Variants in SIGLEC1 observed in about 807,000 individuals in gnomAD.
The protein encoded by SIGLEC1 is sialic acid binding Ig like lectin 1.
SIGLEC1 carries 132 observed loss-of-function variants against 148.0 expected under a neutral mutation model. The observed-to-expected ratio is 0.89, with a 90% CI of 0.77 to 1.03. The LOEUF (loss-of-function observed/expected upper bound fraction) is 1.03, where lower values mean the gene tolerates loss of function less well. Among genes scored for constraint, SIGLEC1 ranks in the 50% least tolerant of loss-of-function variants. The probability of loss-of-function intolerance (pLI) is 0.00; values close to 1 mark genes in which losing one functional copy is unlikely to be tolerated. For synonymous variants in SIGLEC1, 945 were observed against 969.0 expected, an observed-to-expected ratio of 0.98 and a Z score of 0.46; for missense variants, 2,253 against 2,271.4, an observed-to-expected ratio of 0.99 and a Z score of 0.16.
Position 3,700,804 on chromosome 20 carries a change from G to A in SIGLEC1, c.1528+538C>T, listed in dbSNP as rs565345038. The stretch of plus-strand genomic sequence containing the variant: ...CAACTTCCACCTCCTGGGTTCAAGC[G>A]ATTCTCCTGCCTTAGCCTCCCAGGT... On this transcript the variant is annotated intron_variant, in intron 7 of 21. Transcript: ENST00000344754. Among the ~76,000 whole-genome samples, 4 of 149,436 alleles carry A rather than the reference G, an allele frequency of 2.7e-5. No homozygotes were observed. In the South Asian group the frequency reaches 8.4e-4, roughly 32 times the overall value.
chr20:3,690,369 A>G, intron 18 of SIGLEC1, 105 bp from the exon 19 acceptor site: 1 of 895,774 alleles, frequency 1.1e-6, no homozygotes. Flanking sequence ...TAAGAGGCAG[A>G]ACCTATTTCC....
At chr20:3,689,548 A>C in intron 20 of SIGLEC1, 52 bp downstream of exon 20, 1 of 1,271,180 alleles carries the variant, frequency 7.9e-7, no homozygotes, top group Non-Finnish European at 1.1e-6. Flanking sequence ...GGAGAAGACG[A>C]GGTGGGCTGC....
intron 7 of SIGLEC1, 141 bp downstream of exon 7, chr20:3,701,201 G>T: frequency 2.6e-6 from 2 of 773,120 alleles, no homozygotes; most frequent in Non-Finnish European, 4.1e-6. Flanking sequence ...TTGGGTCACT[G>T]CACAGCCCCT....
In SIGLEC1 at chr20:3,693,589, G is replaced by A. The variant is rs773958522; in HGVS notation, c.3366C>T (p.Tyr1122=). ...THPAQLTYTW[Y]QDGQQRLDAH... ...CATCCAGGCGCTGCTGCCCATCCTG[G>A]TACCATGTGTAGGTGAGCTGGGCCG... Residue 1122 remains tyrosine (Y), a synonymous_variant, in exon 14 of 22, where the codon TAC becomes TAT. Coordinates refer to ENST00000344754, the MANE Select transcript of SIGLEC1 (RefSeq NM_023068.4). The A allele has an allele frequency of 1.9e-6, 3 of 1,612,910 alleles. No individual in the cohort carries two copies. The highest frequency in any genetic ancestry group is 2.7e-5 in the African/African-American group (2 of 74,934).
chr20:3,687,876 A>G lies in SIGLEC1; in HGVS notation c.*684T>C, dbSNP rs987565677. 1 of 153,460 alleles carries G rather than the reference A, an allele frequency of 6.5e-6. No individual in the cohort carries two copies. The highest frequency in any genetic ancestry group is 2.4e-5 in the African/African-American group (1 of 41,458). 9.5% of individuals were successfully genotyped at this position (153,460 alleles called of 1,614,324 possible). ...ACAATACTCCAGCCAATGGGAAGTGAGTGGAAAAGTCCTGTGCAGCTTCTG... is the reference window on the plus strand; with the variant it reads ...ACAATACTCCAGCCAATGGGAAGTGGGTGGAAAAGTCCTGTGCAGCTTCTG... On this transcript the variant is annotated 3_prime_UTR_variant, in exon 22 of 22. Transcript: ENST00000344754.
In SIGLEC1 at chr20:3,705,746, T is replaced by G. The variant is rs2087887310; in HGVS notation, c.704A>C (p.Lys235Thr). ...RAQSEIHLQV[K>T]YAPKGVKILL... The stretch of plus-strand genomic sequence containing the variant: ...GGGTGTGTCCCCAGACAACTCACAC[T>G]TCACTTGGAGGTGAATCTCGCTCTG... Residue 235 changes from lysine (K) to threonine (T), a missense_variant and splice_region_variant, in exon 4 of 22, where the codon AAG becomes ACG. Coordinates refer to ENST00000344754, the MANE Select transcript of SIGLEC1 (RefSeq NM_023068.4). The G allele has an allele frequency of 6.2e-7, 1 of 1,603,282 alleles. No homozygotes were observed. The highest frequency in any genetic ancestry group is 1.3e-5 in the African/African-American group (1 of 74,764).
chr20:3,701,713 T>C lies in SIGLEC1; in HGVS notation c.1229-72A>G, dbSNP rs2087853747. ...TCCCTGGATACCCTGATACAACCCG[T>C]GACCTCTGCACCGCTTTGTCCCACA... On this transcript the variant is annotated intron_variant, in intron 6 of 21. Transcript: ENST00000344754. 8 of 1,415,880 alleles carry C rather than the reference T, an allele frequency of 5.7e-6. No homozygotes were observed. In the Admixed American group the frequency reaches 7.6e-5, roughly 13 times the overall value. 87.7% of individuals were successfully genotyped at this position (1,415,880 alleles called of 1,614,324 possible).
chr20:3,707,093 T>G lies in SIGLEC1; in HGVS notation c.36A>C (p.Ser12=). 1.9e-6 allele frequency: 3 copies of G among 1,614,098 alleles called. No individual in the cohort carries two copies. The highest frequency in any genetic ancestry group is 1.7e-6 in the Non-Finnish European group (2 of 1,179,984). ...GFLPKLLLLA[S]FFPAGQASWG... ...CGCAAAGCTTACCTGCTGGGAAGAATGAGGCCAGGAGGAGAAGCTTGGGCA... is the reference window on the plus strand; with the variant it reads ...CGCAAAGCTTACCTGCTGGGAAGAAGGAGGCCAGGAGGAGAAGCTTGGGCA... The change falls in exon 2 of 22, where the codon TCA becomes TCC. Residue 12 remains serine (S), a synonymous_variant. Transcript: ENST00000344754.
chr20:3,694,196 C>CACAT, intron 13 of SIGLEC1, 25 bp downstream of exon 13: 1 of 1,583,114 alleles, frequency 6.3e-7, no homozygotes, highest in Non-Finnish European at 8.6e-7. Flanking sequence ...CACACACACA[C>CACAT]ACACACACAC....
rs148932925 is a variant in SIGLEC1, at chr20:3,693,614, G to C, written c.3341C>G (p.Pro1114Arg). The change falls in exon 14 of 22, where the codon CCG becomes CGG. Residue 1114 changes from proline (P) to arginine (R), a missense_variant. Transcript: ENST00000344754. ...NLTCLVWTTH[P>R]AQLTYTWYQD... Reference sequence around the variant, plus strand: ...GTACCATGTGTAGGTGAGCTGGGCCGGGTGAGTGGTCCACACAAGGCAGGT... The same window carrying C: ...GTACCATGTGTAGGTGAGCTGGGCCCGGTGAGTGGTCCACACAAGGCAGGT... 6.2e-7 allele frequency: 1 copy of C among 1,612,660 alleles called. No individual in the cohort carries two copies. Among genetic ancestry groups the C allele is most frequent in the South Asian group, 1.1e-5 (1 of 90,924 alleles).
rs190513448 is a variant in SIGLEC1 at position 3,709,001 on chromosome 20, C to T, written c.-109-1764G>A. Among the ~76,000 whole-genome samples the T allele has an allele frequency of 9.1e-5, 13 of 143,556 alleles. 1 individual carries two copies. In the East Asian group the frequency reaches 1.2e-3, roughly 14 times the overall value. 94.2% of individuals were successfully genotyped at this position (143,556 alleles called of 152,430 possible). A position where few individuals can be genotyped will look rare whatever the true frequency, so the allele number is the denominator to read the frequency against. ...CGGAGGTCACGGTGAGCCAGGATCA[C>T]GCCACTGTACTCCAGCCTGGTGACA... On this transcript the variant is annotated intron_variant, in intron 1 of 21. Coordinates refer to ENST00000344754, the MANE Select transcript of SIGLEC1 (RefSeq NM_023068.4).
chr20:3,694,277 CAG>C lies in SIGLEC1; in HGVS notation c.3198_3199del (p.Ile1066MetfsTer2), dbSNP rs747883950. On this transcript the variant is annotated frameshift_variant, in exon 13 of 22. Coordinates refer to ENST00000344754, the MANE Select transcript of SIGLEC1 (RefSeq NM_023068.4). LOFTEE classifies it high-confidence loss of function. ...CTGGCCCAGGGTGTTGGAGGCCTCA[CAG>C]ATATAGACACCCTCATCCTCCAGCA... is the stretch of plus-strand genomic sequence containing the variant. 76 of 1,612,962 alleles carry C rather than the reference CAG, an allele frequency of 4.7e-5. No homozygotes were observed. The highest frequency in any genetic ancestry group is 4.7e-4 in the Admixed American group (28 of 60,016).
rs1488940505 is a variant in SIGLEC1, at chr20:3,706,004, T to C, written c.446A>G (p.Glu149Gly). 6.2e-7 allele frequency: 1 copy of C among 1,613,572 alleles called. No homozygotes were observed. The highest frequency in any genetic ancestry group is 1.7e-5 in the Admixed American group (1 of 60,012). Residue 149 changes from glutamate to glycine, a missense_variant, in exon 4 of 22, where the codon GAG (glutamate) becomes GGG (glycine). Glu to Gly is a moderately conservative substitution (Grantham distance 98). Transcript: ENST00000344754. ...PRVPTIASPV[E>G]LLEGTEVDFN... ...GTCCACCTCTGTGCCCTCGAGAAGC[T>C]CCACCGGGGAGGCAATGGTGGGCAC...
Position 3,692,622 on chromosome 20 carries a change from G to A in SIGLEC1, c.3929C>T (p.Ser1310Leu), listed in dbSNP as rs1249780680. 1 of 1,612,864 alleles carries A rather than the reference G, an allele frequency of 6.2e-7. No individual in the cohort carries two copies. The highest frequency in any genetic ancestry group is 1.7e-5 in the Admixed American group (1 of 60,010). The part of the protein sequence containing the change: ...WLQEGPAASL[S>L]FLVATRAHAG... ...ATGAGCCCGCGTGGCCACCAGGAAT[G>A]AGAGTGAGGCAGCTGGACCCTCCTG... The change falls in exon 16 of 22, where the codon TCA (serine) becomes TTA (leucine). Residue 1310 changes from serine (S) to leucine (L), a missense_variant. Physicochemically the swap from Ser to Leu is moderately radical, Grantham distance 145 (BLOSUM62 -2). Transcript: ENST00000344754.
chr20:3,695,957 GC>G (rs1222165418), intron 11 of SIGLEC1, among the ~76,000 whole-genome samples: 4 of 151,888 alleles, frequency 2.6e-5, no homozygotes, highest in Admixed American at 6.6e-5. Flanking sequence ...GATTACAAAT[GC>G]CCACCACCAC....
rs1245855911 is a variant in SIGLEC1 at position 3,690,222 on chromosome 20, T to C, written c.4634A>G (p.Glu1545Gly). 2 of 1,553,810 alleles carry C rather than the reference T, an allele frequency of 1.3e-6. No individual in the cohort carries two copies. Among genetic ancestry groups the C allele is most frequent in the African/African-American group, 2.7e-5 (2 of 73,128 alleles). Residue 1545 changes from glutamate to glycine, a missense_variant, in exon 19 of 22, where the codon GAG (glutamate) becomes GGG (glycine). Coordinates refer to ENST00000344754, the MANE Select transcript of SIGLEC1 (RefSeq NM_023068.4). ...ATCCAGGATGCCCCGGAGGCCACCC[T>C]CAGGCTCCACGAAGACCATCATGGT... ...TPTMMVFVEP[E>G]GGLRGILDCR...
At position 3,694,963 on chromosome 20, in the gene SIGLEC1, A is replaced by G. The variant is rs779611022; in HGVS notation, c.2684-40T>C. 7.0e-6 allele frequency: 11 copies of G among 1,582,266 alleles called. No homozygotes were observed. The Admixed American group carries it at 1.0e-4, about 15-fold the overall frequency. On this transcript the variant is annotated intron_variant, in intron 11 of 21. Coordinates refer to ENST00000344754, the MANE Select transcript of SIGLEC1 (RefSeq NM_023068.4). Reference sequence around the variant, plus strand: ...CAAGAGCAGGTGAGGGCTCTCCACCACACCTCTCACAGTCTGGGACCATGT... The same window carrying G: ...CAAGAGCAGGTGAGGGCTCTCCACCGCACCTCTCACAGTCTGGGACCATGT...
In SIGLEC1 at chr20:3,706,007, A is replaced by C; in HGVS notation, c.443T>G (p.Val148Gly). The change falls in exon 4 of 22, where the codon GTG (valine) becomes GGG (glycine). Residue 148 changes from valine (V) to glycine (G), a missense_variant. Val to Gly is a moderately radical substitution (Grantham distance 109). Coordinates refer to ENST00000344754, the MANE Select transcript of SIGLEC1 (RefSeq NM_023068.4). ...CACCTCTGTGCCCTCGAGAAGCTCC[A>C]CCGGGGAGGCAATGGTGGGCACCCT... ...EPRVPTIASP[V>G]ELLEGTEVDF... is the part of the protein sequence containing the mutation. 2 of 1,613,366 alleles carry C rather than the reference A, an allele frequency of 1.2e-6. No homozygotes were observed. Among genetic ancestry groups the C allele is most frequent in the Non-Finnish European group, 1.7e-6 (2 of 1,179,648 alleles).
intron 13 of SIGLEC1, 70 bp downstream of exon 13, chr20:3,694,151 C>G: frequency 6.7e-7 from 1 of 1,495,964 alleles, no homozygotes; most frequent in East Asian, 2.3e-5. Flanking sequence ...GAACCCTGTC[C>G]CACCTCCTCT....
Sources: allele counts gnomAD v4.1 joint callset (sites outside exome capture counted in the v4.1 genomes callset), GRCh38; gene constraint gnomAD v4.1.1; transcripts MANE v1.5; gene names NCBI Gene and HGNC (gene_info 2026-07-23, HGNC 2026-07-21).